Variants in CCNY observed in about 807,000 individuals in gnomAD.
The protein encoded by CCNY is cyclin Y.
Under a neutral mutation model 42.8 loss-of-function variants are expected in CCNY, and 19 were observed. That is an observed-to-expected ratio of 0.44 (90% confidence interval 0.31 to 0.65). The LOEUF is 0.65. Among genes scored for constraint, CCNY ranks in the 30% least tolerant of loss-of-function variants. The pLI is 0.07. For missense variants in CCNY, 370 were observed against 437.3 expected (o/e 0.85, Z 1.37); for synonymous variants, 165 against 162.7 (o/e 1.01, Z -0.11).
chr10:35,493,748 G>C (rs913546926), intron 2 of CCNY, among the ~76,000 whole-genome samples: 7 of 152,218 alleles, frequency 4.6e-5, no homozygotes, highest in African/African-American at 7.2e-5. Flanking sequence ...GTAAAATGGA[G>C]TTAGTACCTC....
chr10:35,362,824 C>CGG (rs536954965), intron 1 of CCNY, among the ~76,000 whole-genome samples: 2 of 142,636 alleles, frequency 1.4e-5, no homozygotes, highest in Non-Finnish European at 3.1e-5. Flanking sequence ...AGATAGTTGG[C>CGG]GGGGGGGCCA....
intron 1 of CCNY, among the ~76,000 whole-genome samples, chr10:35,406,541 T>A (rs1837777301): frequency 6.6e-6 from 1 of 152,092 alleles, no homozygotes; most frequent in African/African-American, 2.4e-5. Context: ...AGCACAGGGT[T>A]GGGGGTAAGG....
At chr10:35,512,705 C>T (rs1363000) in intron 3 of CCNY, among the ~76,000 whole-genome samples, 42,407 of 151,840 alleles carry the variant, frequency 0.28, 6,190 homozygotes, top group East Asian at 0.34. Context: ...GAGGGATGAC[C>T]GATTTGCCAA....
intron 1 of CCNY, among the ~76,000 whole-genome samples, chr10:35,389,360 T>C (rs995231486): frequency 3.9e-5 from 6 of 152,064 alleles, no homozygotes; most frequent in Admixed American, 1.3e-4. Context: ...TGGTGCTTAG[T>C]AAGTGTTTGC....
chr10:35,319,863 T>C (rs530793574), intron 3 of CCNY, among the ~76,000 whole-genome samples: 1 of 152,116 alleles, frequency 6.6e-6, no homozygotes, highest in South Asian at 2.1e-4. Context: ...GGCAGGAGAA[T>C]TGCTTGAACC....
intron 1 of CCNY, among the ~76,000 whole-genome samples, chr10:35,374,731 A>C (rs1275721857): frequency 6.6e-6 from 1 of 152,256 alleles, no homozygotes; most frequent in African/African-American, 2.4e-5. Context: ...TTTATAGCAT[A>C]CTAGAGATTC....
upstream of CCNY, among the ~76,000 whole-genome samples, chr10:35,335,644 GGA>G (rs1439859403): frequency 2.0e-5 from 3 of 152,040 alleles, no homozygotes; most frequent in Admixed American, 2.0e-4. Flanking sequence ...CTTGAAGACA[GGA>G]GTTCGATACC....
At chr10:35,325,914 TA>T (rs199557940) in intron 3 of CCNY, among the ~76,000 whole-genome samples, 1 of 150,678 alleles carries the variant, frequency 6.6e-6, no homozygotes, top group Non-Finnish European at 1.5e-5. Flanking sequence ...CGCCATCTCT[TA>T]AAAAAAAATT....
intron 1 of CCNY, among the ~76,000 whole-genome samples, chr10:35,344,159 A>T (rs1428580350): frequency 6.6e-6 from 1 of 152,044 alleles, no homozygotes; most frequent in Non-Finnish European, 1.5e-5. Context: ...TCTCAGCATT[A>T]TTCTAGCCTG....
intron 1 of CCNY, among the ~76,000 whole-genome samples, chr10:35,431,664 C>G (rs369513859): frequency 6.6e-6 from 1 of 151,682 alleles, no homozygotes; most frequent in Non-Finnish European, 1.5e-5. Flanking sequence ...AGTTTTGATA[C>G]GTGTTCTTCC....
intron 3 of CCNY, among the ~76,000 whole-genome samples, chr10:35,257,467 G>A (rs2095716507): frequency 6.6e-6 from 1 of 151,874 alleles, no homozygotes; most frequent in Admixed American, 6.6e-5. Context: ...ATCTGGGAAG[G>A]TCTTAATTTC....
At chr10:35,297,546 G>C (rs566689597) in intron 3 of CCNY, among the ~76,000 whole-genome samples, 1 of 152,274 alleles carries the variant, frequency 6.6e-6, no homozygotes, top group Non-Finnish European at 1.5e-5. Flanking sequence ...AAGAGAGGAA[G>C]TCAAACTATC....
intron 9 of CCNY, among the ~76,000 whole-genome samples, chr10:35,567,036 C>T (rs1841585786): frequency 6.6e-6 from 1 of 152,130 alleles, no homozygotes; most frequent in South Asian, 2.1e-4. Context: ...TTTTTTAAAA[C>T]CCTTACCTTT....
intron 1 of CCNY, among the ~76,000 whole-genome samples, chr10:35,435,541 A>G (rs1458772723): frequency 6.6e-6 from 1 of 152,242 alleles, no homozygotes; most frequent in African/African-American, 2.4e-5. Flanking sequence ...TTTCTATACT[A>G]AAATAATCAC....
chr10:35,323,694 T>C (rs1342478773), intron 3 of CCNY, among the ~76,000 whole-genome samples: 1 of 152,140 alleles, frequency 6.6e-6, no homozygotes, highest in African/African-American at 2.4e-5. Context: ...GTGGTGATGG[T>C]GGTTACATGC....
intron 3 of CCNY, among the ~76,000 whole-genome samples, chr10:35,282,117 T>A (rs930320399): frequency 1.3e-5 from 1 of 75,594 alleles, no homozygotes; most frequent in Non-Finnish European, 2.9e-5. Context: ...CTACACCCTT[T>A]TTTTTTTTTT....
intron 4 of CCNY, among the ~76,000 whole-genome samples, chr10:35,521,403 G>A (rs1314008515): frequency 1.3e-5 from 2 of 152,158 alleles, no homozygotes; most frequent in East Asian, 3.9e-4. Flanking sequence ...GGTAAACTTG[G>A]ATTTGATAAG....
intron 1 of CCNY, among the ~76,000 whole-genome samples, chr10:35,421,836 C>T (rs965142222): frequency 6.6e-6 from 1 of 152,164 alleles, no homozygotes; most frequent in African/African-American, 2.4e-5. Context: ...AGAGGTTTCT[C>T]TTGACAGTAA....
chr10:35,546,897 G>A (rs1421952814), intron 7 of CCNY, among the ~76,000 whole-genome samples: 1 of 152,218 alleles, frequency 6.6e-6, no homozygotes, highest in Non-Finnish European at 1.5e-5. Flanking sequence ...CCTCTGCGGA[G>A]AGCTTGGGAG....
Sources: gnomAD v4.1 joint callset for allele counts (sites outside exome capture counted in the v4.1 genomes callset) on GRCh38, gnomAD v4.1.1 for gene constraint, MANE v1.5 for transcripts, NCBI Gene and HGNC (gene_info 2026-07-23, HGNC 2026-07-21) for gene names.